The following CAAP1 variants were observed in gnomAD, a reference collection of about 807,000 sequenced individuals.
CAAP1 encodes the protein caspase activity and apoptosis inhibitor 1, also known as conserved anti-apoptotic protein.
A neutral mutation model predicts 34.0 loss-of-function variants in CAAP1; 20 were observed. The ratio of observed to expected loss-of-function variants is 0.59; its 90% CI spans 0.41 to 0.86. The LOEUF (loss-of-function observed/expected upper bound fraction) is 0.86, where lower values mean the gene tolerates loss of function less well. Among genes scored for constraint, CAAP1 ranks in the 40% least tolerant of loss-of-function variants. The pLI, the probability that CAAP1 is intolerant of heterozygous loss-of-function variation, is 0.00. For missense variants in CAAP1, 538 were observed against 450.5 expected (o/e 1.19, Z -1.76); for synonymous variants, 213 against 166.7 (o/e 1.28, Z -2.14).
chr9:26,882,096 G>A (rs966525046), intron 4 of CAAP1, among the ~76,000 whole-genome samples: 4 of 152,196 alleles, frequency 2.6e-5, no homozygotes, highest in Non-Finnish European at 4.4e-5. Context: ...ATTATTAAAA[G>A]CATTCAGTTT....
intron 4 of CAAP1, among the ~76,000 whole-genome samples, chr9:26,878,615 T>G (rs1823504728): frequency 1.3e-5 from 2 of 152,172 alleles, no homozygotes; most frequent in South Asian, 2.1e-4. Context: ...ATTCTCCATC[T>G]TCCTCCACTT....
At position 26,887,480 on chromosome 9, in the gene CAAP1, C is replaced by A. The variant is rs1401125154; in HGVS notation, c.337G>T (p.Glu113Ter). ...TCACTGTGCTCTGCCAAGAATAATTCTTTTTCCAAAGTTGGCAAAATATAT... is the reference window on the plus strand; with the variant it reads ...TCACTGTGCTCTGCCAAGAATAATTATTTTTCCAAAGTTGGCAAAATATAT... ...TKYILPTLEKELFLAEHSDLE... is the reference protein window; with the variant it reads ...TKYILPTLEK The change falls in exon 2 of 6, where the codon GAA becomes TAA. Residue 113 changes from glutamate (E) to a stop codon, truncating the protein, a stop_gained. Transcript: ENST00000333916. LOFTEE classifies it high-confidence loss of function. 2 of 1,605,050 alleles carry A rather than the reference C, an allele frequency of 1.2e-6. No individual in the cohort carries two copies. Among genetic ancestry groups the A allele is most frequent in the Non-Finnish European group, 1.7e-6 (2 of 1,177,806 alleles).
intron 4 of CAAP1, among the ~76,000 whole-genome samples, chr9:26,884,235 G>C (rs1823670568): frequency 6.6e-6 from 1 of 152,134 alleles, no homozygotes; most frequent in East Asian, 1.9e-4. Context: ...AAACTTTGAA[G>C]TGCACTAATG....
At chr9:26,876,472 G>GTT (rs60742949) in intron 4 of CAAP1, among the ~76,000 whole-genome samples, 46 of 125,696 alleles carry the variant, frequency 3.7e-4, no homozygotes, top group South Asian at 7.7e-4. Context: ...ATTCTAGAAG[G>GTT]TTTTTTTTTT....
At chr9:26,884,675 G>C (rs568052511) in intron 4 of CAAP1, 135 bp downstream of exon 4, 1 of 708,028 alleles carries the variant, frequency 1.4e-6, no homozygotes, top group African/African-American at 1.8e-5. Context: ...ATTACAAGTA[G>C]ACAAATAAAT....
At chr9:26,873,978 C>T (rs1241681590) in intron 4 of CAAP1, among the ~76,000 whole-genome samples, 4 of 151,916 alleles carry the variant, frequency 2.6e-5, no homozygotes, top group African/African-American at 7.2e-5. Flanking sequence ...GAGGCCGAGG[C>T]GGGCAGATCA....
At chr9:26,851,943 A>G (rs2131300409) in intron 5 of CAAP1, among the ~76,000 whole-genome samples, 1 of 152,252 alleles carries the variant, frequency 6.6e-6, no homozygotes, top group East Asian at 1.9e-4. Context: ...TTCATAAACT[A>G]CCATGTTTCC....
chr9:26,850,485 C>G (rs1476884632), intron 5 of CAAP1, among the ~76,000 whole-genome samples: 1 of 152,078 alleles, frequency 6.6e-6, no homozygotes, highest in Non-Finnish European at 1.5e-5. Context: ...TTCCCCAATA[C>G]CAAAAACAAG....
At chr9:26,850,367 C>T (rs1036264425) in intron 5 of CAAP1, among the ~76,000 whole-genome samples, 1 of 152,026 alleles carries the variant, frequency 6.6e-6, no homozygotes, top group African/African-American at 2.4e-5. Context: ...CCAAAAATGT[C>T]GAGATCTTTG....
intron 5 of CAAP1, among the ~76,000 whole-genome samples, chr9:26,850,570 C>T (rs958420998): frequency 6.6e-6 from 1 of 152,180 alleles, no homozygotes; most frequent in Non-Finnish European, 1.5e-5. Context: ...ACTGATTCTA[C>T]TGGAATGATG....
At chr9:26,891,046 T>G (rs1299558360) in intron 1 of CAAP1, among the ~76,000 whole-genome samples, 1 of 152,156 alleles carries the variant, frequency 6.6e-6, no homozygotes, top group Non-Finnish European at 1.5e-5. Flanking sequence ...GTCCCAAGAC[T>G]CCAAAGACTG....
intron 5 of CAAP1, among the ~76,000 whole-genome samples, chr9:26,851,571 C>T (rs1822754480): frequency 6.6e-6 from 1 of 152,128 alleles, no homozygotes; most frequent in Admixed American, 6.5e-5. Context: ...TGCATTGGGG[C>T]ACAATAACAG....
At chr9:26,861,287 C>G (rs919380526) in intron 4 of CAAP1, 148 bp from the exon 5 acceptor site, 1 of 565,604 alleles carries the variant, frequency 1.8e-6, no homozygotes, top group African/African-American at 1.9e-5. Flanking sequence ...ACTCTGGAAG[C>G]TCAGAAACAA....
At chr9:26,883,302 G>T (rs989732978) in intron 4 of CAAP1, among the ~76,000 whole-genome samples, 1 of 152,106 alleles carries the variant, frequency 6.6e-6, no homozygotes, top group African/African-American at 2.4e-5. Context: ...ACTGAATCAT[G>T]GGGGTGGTTT....
rs1276010592 is a variant in CAAP1, at chr9:26,840,727, C to A, written c.*1574G>T. The A allele has an allele frequency of 6.6e-6, 1 of 152,148 alleles. No individual in the cohort carries two copies. Among genetic ancestry groups the A allele is most frequent in the Non-Finnish European group, 1.5e-5 (1 of 68,030 alleles). 9.4% of individuals were successfully genotyped at this position (152,148 alleles called of 1,614,324 possible). ...TTTAATCATCTACAAAGCCCTCAGA[C>A]CTGTTTTACTTTATATGTTTAATCA... is the stretch of plus-strand genomic sequence containing the variant. On this transcript the variant is annotated 3_prime_UTR_variant, in exon 6 of 6. Transcript: ENST00000333916.
chr9:26,861,132 T>A lies in CAAP1; in HGVS notation c.673A>T (p.Ile225Phe). Residue 225 changes from isoleucine (I) to phenylalanine (F), a missense_variant, in exon 5 of 6, where the codon ATC becomes TTC. Around this residue, in one of 3 missense-constraint regions of CAAP1, gnomAD observed 514 missense variants for 408.4 expected, o/e 1.26. Coordinates refer to ENST00000333916, the MANE Select transcript of CAAP1 (RefSeq NM_024828.4). ...MGSDLVSQQD[I>F]CIDSASSVRE... ...ACGGATGAAGCAGAATCTATACAGA[T>A]GTCTTGCCTGGGAAATGAAAATAAG... 6.2e-7 allele frequency: 1 copy of A among 1,607,570 alleles called. No individual in the cohort carries two copies. Among genetic ancestry groups the A allele is most frequent in the Non-Finnish European group, 8.5e-7 (1 of 1,174,912 alleles).
intron 5 of CAAP1, among the ~76,000 whole-genome samples, chr9:26,849,458 T>C (rs560304400): frequency 3.9e-5 from 6 of 152,348 alleles, no homozygotes; most frequent in African/African-American, 7.2e-5. Flanking sequence ...ACTTTAGTTC[T>C]TTCGCTGCTC....
chr9:26,865,992 A>G (rs1463807186), intron 4 of CAAP1, among the ~76,000 whole-genome samples: 2 of 152,052 alleles, frequency 1.3e-5, no homozygotes, highest in African/African-American at 4.8e-5. Context: ...GATTACAGAC[A>G]CATACCACTA....
Position 26,880,198 on chromosome 9 carries a change from T to C in CAAP1, c.665+4612A>G, listed in dbSNP as rs368493102. On this transcript the variant is annotated intron_variant, in intron 4 of 5. Transcript: ENST00000333916. ...GGGGTGTCTTTTGGCATAATTGTTA[T>C]ACATTTGGCATGGACAGCACACAGG... 8.4e-4 allele frequency: 275 copies of C among 328,638 alleles called. 5 individuals carry two copies. The highest frequency in any genetic ancestry group is 5.7e-3 in the South Asian group (236 of 41,062). 20.4% of individuals were successfully genotyped at this position (328,638 alleles called of 1,614,324 possible). A position where few individuals can be genotyped will look rare whatever the true frequency, so the allele number is the denominator to read the frequency against.
Sources: allele counts gnomAD v4.1 joint callset (sites outside exome capture counted in the v4.1 genomes callset), GRCh38; gene constraint gnomAD v4.1.1; regional missense constraint gnomAD v4.1.1; transcripts MANE v1.5; gene names NCBI Gene and HGNC (gene_info 2026-07-23, HGNC 2026-07-21).